Variants in TMEM232 observed in about 807,000 individuals in gnomAD.
TMEM232 encodes transmembrane protein 232.
Under a neutral mutation model 78.8 loss-of-function variants are expected in TMEM232, and 80 were observed. The ratio of observed to expected loss-of-function variants is 1.01; its 90% CI spans 0.85 to 1.22. TMEM232 has a LOEUF of 1.22. Ranked by LOEUF, TMEM232 falls within the 50% of genes most tolerant of loss-of-function variation. TMEM232 has a pLI of 0.00. For synonymous variants in TMEM232, 297 were observed against 254.3 expected (o/e 1.17, Z -1.60); for missense variants, 881 against 742.2 (o/e 1.19, Z -2.17).
chr5:110,579,709 G>A (rs573058684), intron 10 of TMEM232, among the ~76,000 whole-genome samples: 15 of 150,776 alleles, frequency 9.9e-5, no homozygotes, highest in Non-Finnish European at 1.9e-4. Flanking sequence ...ATCAAGGCAT[G>A]CAAATAACAA....
intron 12 of TMEM232, among the ~76,000 whole-genome samples, chr5:110,494,021 G>T (rs1765394000): frequency 6.6e-6 from 1 of 152,000 alleles, no homozygotes; most frequent in Non-Finnish European, 1.5e-5. Context: ...TGCGGTGTTG[G>T]TTTTCTGTTC....
At chr5:110,452,158 A>G (rs533745422) in intron 12 of TMEM232, among the ~76,000 whole-genome samples, 1 of 152,248 alleles carries the variant, frequency 6.6e-6, no homozygotes, top group African/African-American at 2.4e-5. Flanking sequence ...TCTTGCCCCA[A>G]AAATATTCCA....
chr5:110,411,108 TA>T (rs1755980546), intron 2 of TMEM232, among the ~76,000 whole-genome samples: 2 of 152,062 alleles, frequency 1.3e-5, no homozygotes, highest in African/African-American at 4.8e-5. Context: ...CCATGACGAA[TA>T]AAAAGGATGT....
chr5:110,393,353 T>C (rs985071556), intron 3 of TMEM232, among the ~76,000 whole-genome samples: 13 of 152,324 alleles, frequency 8.5e-5, no homozygotes, highest in Middle Eastern at 3.4e-3. Flanking sequence ...TGCATAAACA[T>C]TAAATTGTCC....
intron 2 of TMEM232, among the ~76,000 whole-genome samples, chr5:110,646,163 C>G (rs971413007): frequency 6.6e-6 from 1 of 151,556 alleles, no homozygotes; most frequent in Non-Finnish European, 1.5e-5. Flanking sequence ...TCCATATTAC[C>G]CAAAGAGATC....
chr5:110,670,265 A>G (rs1202741970), intron 1 of TMEM232, among the ~76,000 whole-genome samples: 1 of 152,242 alleles, frequency 6.6e-6, no homozygotes. Context: ...CCTTAAGCTG[A>G]TAAGTAACTT....
At chr5:110,649,542 T>A (rs1787997859) in intron 2 of TMEM232, among the ~76,000 whole-genome samples, 1 of 152,138 alleles carries the variant, frequency 6.6e-6, no homozygotes, top group Non-Finnish European at 1.5e-5. Context: ...TTCTAGTCGT[T>A]CATATTCTAG....
At chr5:110,424,187 A>G (rs982941321) in intron 13 of TMEM232, among the ~76,000 whole-genome samples, 5 of 152,140 alleles carry the variant, frequency 3.3e-5, no homozygotes, top group Non-Finnish European at 7.4e-5. Context: ...TTGCAATCTG[A>G]GAGATAATAT....
chr5:110,691,402 T>C (rs1794105877), intron 1 of TMEM232, among the ~76,000 whole-genome samples: 1 of 152,214 alleles, frequency 6.6e-6, no homozygotes, highest in Non-Finnish European at 1.5e-5. Flanking sequence ...GATGAATGGT[T>C]TAGGAAGGAG....
At chr5:110,593,134 C>A (rs1193453840) in intron 10 of TMEM232, among the ~76,000 whole-genome samples, 1 of 152,072 alleles carries the variant, frequency 6.6e-6, no homozygotes, top group Admixed American at 6.6e-5. Context: ...ACATAGTTGT[C>A]CATAATGTAT....
intron 1 of TMEM232, among the ~76,000 whole-genome samples, chr5:110,683,280 T>C (rs1348120948): frequency 1.3e-5 from 2 of 152,064 alleles, no homozygotes; most frequent in African/African-American, 2.4e-5. Context: ...TTATTAACCT[T>C]TGTGCATAGC....
At chr5:110,654,198 G>T (rs1454816620) in intron 2 of TMEM232, among the ~76,000 whole-genome samples, 2 of 152,164 alleles carry the variant, frequency 1.3e-5, no homozygotes, top group Non-Finnish European at 2.9e-5. Context: ...CCTGGCCATT[G>T]CTGATTTTGT....
At chr5:110,399,655 T>C (rs961655939) in intron 2 of TMEM232, among the ~76,000 whole-genome samples, 18 of 152,096 alleles carry the variant, frequency 1.2e-4, no homozygotes, top group African/African-American at 4.1e-4. Context: ...CAGTGCTCTT[T>C]TTTTCAGGTT....
intron 2 of TMEM232, among the ~76,000 whole-genome samples, chr5:110,400,797 G>C (rs1755563670): frequency 6.6e-6 from 1 of 152,008 alleles, no homozygotes; most frequent in South Asian, 2.1e-4. Flanking sequence ...GTATTATTTT[G>C]GGGCGGGGGA....
At chr5:110,536,120 T>C (rs1004887162) in intron 11 of TMEM232, among the ~76,000 whole-genome samples, 2 of 152,132 alleles carry the variant, frequency 1.3e-5, no homozygotes, top group Non-Finnish European at 2.9e-5. Context: ...TCTCTCTTTT[T>C]CTGTCTTTTC....
In TMEM232 at chr5:110,733,346, T is replaced by C. The variant is rs577270141; in HGVS notation, c.-13+1557A>G. ...GACCCAGAAATCCCATTACTAGGTA[T>C]ATAACCAAAGGAATATAAATCATTC... On this transcript the variant is annotated intron_variant, in intron 2 of 4. Coordinates refer to the TMEM232 transcript ENST00000512886. Among the ~76,000 whole-genome samples, 52 of 152,236 alleles carry C rather than the reference T, an allele frequency of 3.4e-4. No homozygotes were observed. In the South Asian group the frequency reaches 7.9e-3, roughly 23 times the overall value.
At chr5:110,517,394 T>C (rs530372406) in intron 12 of TMEM232, among the ~76,000 whole-genome samples, 1 of 152,368 alleles carries the variant, frequency 6.6e-6, no homozygotes, top group South Asian at 2.1e-4. Context: ...ATTTCTTCAA[T>C]GCATAGCTTA....
At chr5:110,618,127 G>A (rs1490092703) in intron 8 of TMEM232, 2 of 265,992 alleles carry the variant, frequency 7.5e-6, no homozygotes, top group Non-Finnish European at 7.0e-6. Context: ...TAACAACTTG[G>A]AATATAAAGG....
chr5:110,635,763 C>T (rs1327519498), intron 5 of TMEM232, among the ~76,000 whole-genome samples: 1 of 151,764 alleles, frequency 6.6e-6, no homozygotes, highest in African/African-American at 2.4e-5. Context: ...AAAAAATACA[C>T]ATGATGGCGA....
Sources: allele counts gnomAD v4.1 joint callset (sites outside exome capture counted in the v4.1 genomes callset), GRCh38; gene constraint gnomAD v4.1.1; transcripts MANE v1.5; gene names NCBI Gene and HGNC (gene_info 2026-07-23, HGNC 2026-07-21).